Variants in RAP1A observed in about 807,000 individuals in gnomAD.
The protein encoded by RAP1A is ras-related protein Rap-1A.
Under a neutral mutation model 26.4 loss-of-function variants are expected in RAP1A, and 6 were observed. The ratio of observed to expected loss-of-function variants is 0.23; its 90% CI spans 0.12 to 0.45. The LOEUF (loss-of-function observed/expected upper bound fraction) is 0.45. Among genes scored for constraint, RAP1A ranks in the 20% least tolerant of loss-of-function variants. The probability of loss-of-function intolerance (pLI) is 0.99; values close to 1 mark genes in which losing one functional copy is unlikely to be tolerated. For synonymous variants in RAP1A, 73 were observed against 79.4 expected (o/e 0.92, Z 0.43); for missense variants, 121 against 217.2 (o/e 0.56, Z 2.78).
At chr1:111,654,233 T>A (rs1012007914) in intron 1 of RAP1A, among the ~76,000 whole-genome samples, 3 of 152,230 alleles carry the variant, frequency 2.0e-5, no homozygotes, top group Non-Finnish European at 4.4e-5. Context: ...CCATCTTTTT[T>A]ATTTTTTTTA....
At chr1:111,558,379 G>GT (rs1451395114) in intron 1 of RAP1A, among the ~76,000 whole-genome samples, 1 of 151,570 alleles carries the variant, frequency 6.6e-6, no homozygotes, top group East Asian at 1.9e-4. Context: ...TTAAGACAGG[G>GT]TTTTGCCATG....
chr1:111,648,281 G>A (rs1211314366), intron 1 of RAP1A: 1 of 977,628 alleles, frequency 1.0e-6, no homozygotes, highest in Non-Finnish European at 1.5e-6. Context: ...CCCTGCTTCT[G>A]CTGGCTTAAT....
intron 1 of RAP1A, among the ~76,000 whole-genome samples, chr1:111,555,446 G>C (rs1278956966): frequency 7.0e-6 from 1 of 143,590 alleles, no homozygotes; most frequent in Non-Finnish European, 1.5e-5. Flanking sequence ...AATTTTTAAT[G>C]TAATAATTAA....
intron 1 of RAP1A, among the ~76,000 whole-genome samples, chr1:111,667,240 C>T (rs1350026312): frequency 6.6e-6 from 1 of 152,054 alleles, no homozygotes; most frequent in African/African-American, 2.4e-5. Context: ...ACCCTCCTCT[C>T]CTGTTTCTCC....
chr1:111,707,173 G>T (rs1178269620), intron 6 of RAP1A, among the ~76,000 whole-genome samples: 2 of 152,092 alleles, frequency 1.3e-5, no homozygotes, highest in East Asian at 3.8e-4. Flanking sequence ...GGAGCAGAAA[G>T]AAAAGAATTT....
At chr1:111,658,588 AC>A (rs1660537539) in intron 1 of RAP1A, among the ~76,000 whole-genome samples, 1 of 152,070 alleles carries the variant, frequency 6.6e-6, no homozygotes, top group Non-Finnish European at 1.5e-5. Context: ...ACACATATTC[AC>A]CTAGGCCTAC....
intron 3 of RAP1A, 24 bp from the exon 4 acceptor site, chr1:111,697,417 T>G (rs779522099): frequency 6.9e-5 from 10 of 145,430 alleles, no homozygotes; most frequent in Non-Finnish European, 1.1e-4. Flanking sequence ...CTCTTTAACC[T>G]TTTTTTTTTT....
At chr1:111,548,411 T>C (rs1188572209) in intron 1 of RAP1A, among the ~76,000 whole-genome samples, 2 of 152,248 alleles carry the variant, frequency 1.3e-5, no homozygotes, top group Non-Finnish European at 2.9e-5. Flanking sequence ...TCTCCTGTTA[T>C]AATCCTTTAA....
intron 1 of RAP1A, among the ~76,000 whole-genome samples, chr1:111,562,669 A>G (rs933268489): frequency 5.9e-5 from 9 of 152,338 alleles, no homozygotes; most frequent in Non-Finnish European, 1.2e-4. Context: ...CCATGTTTCA[A>G]ATGAAAGTAA....
At chr1:111,651,794 A>G (rs1660280132) in intron 1 of RAP1A, among the ~76,000 whole-genome samples, 1 of 151,768 alleles carries the variant, frequency 6.6e-6, no homozygotes, top group African/African-American at 2.4e-5. Context: ...TTGTGTTTTT[A>G]GTTGAGACAG....
At chr1:111,556,005 A>G (rs1425389757) in intron 1 of RAP1A, among the ~76,000 whole-genome samples, 4 of 152,242 alleles carry the variant, frequency 2.6e-5, no homozygotes, top group Admixed American at 6.5e-5. Context: ...AAATATTTGT[A>G]AATCATGTAT....
intron 1 of RAP1A, among the ~76,000 whole-genome samples, chr1:111,623,873 G>A (rs1250151055): frequency 2.0e-5 from 3 of 152,172 alleles, no homozygotes; most frequent in African/African-American, 7.2e-5. Flanking sequence ...CTACACAAGG[G>A]AGTGGGTTGA....
intron 1 of RAP1A, among the ~76,000 whole-genome samples, chr1:111,640,536 A>T (rs1340496804): frequency 1.3e-5 from 2 of 152,216 alleles, no homozygotes; most frequent in Non-Finnish European, 2.9e-5. Flanking sequence ...TAGTGACTTA[A>T]AAGTAAGCTG....
chr1:111,649,160 G>C, intron 1 of RAP1A: 1 of 557,412 alleles, frequency 1.8e-6, no homozygotes, highest in Non-Finnish European at 3.5e-6. Flanking sequence ...TATTTAAGAA[G>C]ATCTGAGCTC....
upstream of RAP1A, among the ~76,000 whole-genome samples, chr1:111,617,989 G>A (rs999848850): frequency 2.6e-5 from 4 of 151,544 alleles, no homozygotes; most frequent in Non-Finnish European, 5.9e-5. Context: ...GTTGCAGTGA[G>A]CGGAGATCAC....
chr1:111,542,297 C>A, exon 1 of RAP1A: 2 of 540,738 alleles, frequency 3.7e-6, no homozygotes, highest in Non-Finnish European at 3.6e-6. Context: ...TTCGAACACA[C>A]GCGACAAGAG....
At chr1:111,565,872 A>G (rs1657906819) in intron 1 of RAP1A, among the ~76,000 whole-genome samples, 1 of 152,078 alleles carries the variant, frequency 6.6e-6, no homozygotes, top group Non-Finnish European at 1.5e-5. Context: ...TTATATTTCT[A>G]CTGGACAGCA....
chr1:111,558,653 T>C (rs1037040092), intron 1 of RAP1A, among the ~76,000 whole-genome samples: 3 of 124,296 alleles, frequency 2.4e-5, no homozygotes, highest in African/African-American at 1.5e-4. Flanking sequence ...AAAATTTTGC[T>C]AAAATAAATG....
intron 1 of RAP1A, among the ~76,000 whole-genome samples, chr1:111,680,029 C>T (rs1385518096): frequency 6.6e-6 from 1 of 152,206 alleles, no homozygotes; most frequent in East Asian, 1.9e-4. Flanking sequence ...CAGCATAGCA[C>T]TCAAGCTCTG....
Sources: allele counts gnomAD v4.1 joint callset (sites outside exome capture counted in the v4.1 genomes callset), GRCh38; gene constraint gnomAD v4.1.1; transcripts MANE v1.5; gene names NCBI Gene and HGNC (gene_info 2026-07-23, HGNC 2026-07-21).